MARCHF6: variants seen among roughly 807,000 people sequenced by gnomAD.
MARCHF6 encodes membrane associated ring-CH-type finger 6.
A neutral mutation model predicts 133.7 loss-of-function variants in MARCHF6; 31 were observed. The observed-to-expected ratio is 0.23, with a 90% CI of 0.17 to 0.31. MARCHF6 has a LOEUF of 0.31. MARCHF6 is among the 10% of genes least tolerant of loss of function. MARCHF6 has a pLI of 1.00. For synonymous variants in MARCHF6, 395 were observed against 402.5 expected (o/e 0.98, Z 0.22); for missense variants, 723 against 1,121.6 (o/e 0.64, Z 5.08).
At chr5:10,433,479 T>C in intron 25 of MARCHF6, 115 bp from the exon 26 acceptor site, 1 of 754,426 alleles carries the variant, frequency 1.3e-6, no homozygotes, top group Non-Finnish European at 2.3e-6. Flanking sequence ...GGGACTCCCT[T>C]TGACTTGCCC....
intron 5 of MARCHF6, among the ~76,000 whole-genome samples, chr5:10,388,758 C>A (rs1365646804): frequency 2.0e-5 from 3 of 152,174 alleles, no homozygotes; most frequent in African/African-American, 7.2e-5. Flanking sequence ...CTTGCAGGCC[C>A]TCCTCTGGGC....
At chr5:10,417,202 T>C in intron 21 of MARCHF6, 68 bp from the exon 22 acceptor site, 5 of 1,563,926 alleles carry the variant, frequency 3.2e-6, no homozygotes, top group South Asian at 1.2e-5. Flanking sequence ...GTCTCAAACC[T>C]CAAAATGGAA....
At position 10,353,740 on chromosome 5, in the gene MARCHF6, C is replaced by G. The variant is rs543448669; in HGVS notation, c.-159C>G. 2.1e-6 allele frequency: 1 copy of G among 481,352 alleles called. No homozygotes were observed. Among genetic ancestry groups the G allele is most frequent in the South Asian group, 2.1e-5 (1 of 48,400 alleles). 29.8% of individuals were successfully genotyped at this position (481,352 alleles called of 1,614,324 possible). On this transcript the variant is annotated 5_prime_UTR_variant, in exon 1 of 26. Transcript: ENST00000274140. Reference sequence around the variant, plus strand: ...CGTGTCGCTCGCTTTCTGTCAGCCTCTCTCCCTCTCCCTCTCCCCTCTCCT... The same window carrying G: ...CGTGTCGCTCGCTTTCTGTCAGCCTGTCTCCCTCTCCCTCTCCCCTCTCCT...
At chr5:10,376,978 C>T (rs1290186586) in intron 1 of MARCHF6, among the ~76,000 whole-genome samples, 1 of 152,168 alleles carries the variant, frequency 6.6e-6, no homozygotes, top group South Asian at 2.1e-4. Flanking sequence ...TAGCTGAGAA[C>T]GGTCTAAAAT....
At chr5:10,413,711 T>C (rs771820482) in intron 19 of MARCHF6, among the ~76,000 whole-genome samples, 1 of 152,162 alleles carries the variant, frequency 6.6e-6, no homozygotes, top group Non-Finnish European at 1.5e-5. Context: ...GCAAGGGAGC[T>C]TGTGCAGAGG....
At position 10,437,190 on chromosome 5, in the gene MARCHF6, A is replaced by G. The variant is rs1471733028; in HGVS notation, c.*3506A>G. On this transcript the variant is annotated 3_prime_UTR_variant, in exon 26 of 26. Coordinates refer to ENST00000274140, the MANE Select transcript of MARCHF6 (RefSeq NM_005885.4). ...GGCGCTTTTTAAAACTTTCCAAGCT[A>G]GCTACTTATTTTCATTTTCAGGGTT... 2.0e-5 allele frequency: 3 copies of G among 152,252 alleles called. No individual in the cohort carries two copies. The highest frequency in any genetic ancestry group is 4.8e-5 in the African/African-American group (2 of 41,466). The allele number at this position is 152,252 out of a possible 1,614,324, so 9.4% of individuals were successfully genotyped here.
chr5:10,428,696 A>G (rs990851620), intron 24 of MARCHF6, among the ~76,000 whole-genome samples: 1 of 152,158 alleles, frequency 6.6e-6, no homozygotes, highest in Non-Finnish European at 1.5e-5. Context: ...ACTCTTTAGA[A>G]CAATCTCTTT....
chr5:10,432,721 AC>A (rs1353162007), intron 25 of MARCHF6, among the ~76,000 whole-genome samples: 3 of 151,944 alleles, frequency 2.0e-5, no homozygotes, highest in Non-Finnish European at 4.4e-5. Flanking sequence ...TCCTTTCATC[AC>A]ATACATAAGT....
intron 4 of MARCHF6, among the ~76,000 whole-genome samples, chr5:10,384,110 A>C (rs1363237548): frequency 2.6e-5 from 4 of 152,234 alleles, no homozygotes; most frequent in African/African-American, 9.6e-5. Context: ...TACAGAAAAA[A>C]AGAATCATAT....
chr5:10,381,426 T>C (rs1737137514), intron 3 of MARCHF6, among the ~76,000 whole-genome samples: 1 of 152,228 alleles, frequency 6.6e-6, no homozygotes, highest in African/African-American at 2.4e-5. Context: ...CAGCTTCATC[T>C]TTTGCTCCTG....
chr5:10,382,060 TG>T, intron 4 of MARCHF6, 117 bp downstream of exon 4: 1 of 1,076,786 alleles, frequency 9.3e-7, no homozygotes, highest in Non-Finnish European at 1.4e-6. Context: ...GATGTCAGAG[TG>T]TCATGTATTA....
chr5:10,357,840 T>C, intron 1 of MARCHF6, among the ~76,000 whole-genome samples: 1 of 152,172 alleles, frequency 6.6e-6, no homozygotes, highest in Non-Finnish European at 1.5e-5. Context: ...GAGCTTACAT[T>C]ATAGTTATTA....
intron 1 of MARCHF6, among the ~76,000 whole-genome samples, chr5:10,363,199 C>T (rs945312604): frequency 6.6e-6 from 1 of 152,070 alleles, no homozygotes; most frequent in South Asian, 2.1e-4. Flanking sequence ...CAGATGGCAT[C>T]AAAATTCAGA....
chr5:10,360,468 C>T (rs1006009613), intron 1 of MARCHF6, among the ~76,000 whole-genome samples: 2 of 151,980 alleles, frequency 1.3e-5, no homozygotes, highest in Non-Finnish European at 2.9e-5. Flanking sequence ...TGCAGGAGGT[C>T]GGTGCCCCTA....
At chr5:10,416,578 A>T (rs1739525730) in intron 21 of MARCHF6, among the ~76,000 whole-genome samples, 1 of 152,208 alleles carries the variant, frequency 6.6e-6, no homozygotes, top group Non-Finnish European at 1.5e-5. Flanking sequence ...TGTCTTCCAT[A>T]CACATCATAT....
chr5:10,394,087 A>C lies in MARCHF6; in HGVS notation c.772A>C (p.Met258Leu), dbSNP rs1738036505. The stretch of plus-strand genomic sequence containing the variant: ...AATTGCAATTATATTTTCAGATGAC[A>C]TGAATTGGAATGCTTTAGAATGGGA... Reference protein sequence around the residue: ...ADANNGAQDDMNWNALEWDRA... With the variant: ...ADANNGAQDDLNWNALEWDRA... The change falls in exon 8 of 26, where the codon ATG (methionine) becomes CTG (leucine). Residue 258 changes from methionine (M) to leucine (L), a missense_variant. Physicochemically the swap from Met to Leu is conservative, Grantham distance 15. Coordinates refer to ENST00000274140, the MANE Select transcript of MARCHF6 (RefSeq NM_005885.4). 1.3e-6 allele frequency: 2 copies of C among 1,536,358 alleles called. No individual in the cohort carries two copies. The highest frequency in any genetic ancestry group is 1.8e-6 in the Non-Finnish European group (2 of 1,138,078).
At chr5:10,384,663 A>C in intron 4 of MARCHF6, among the ~76,000 whole-genome samples, 1 of 152,228 alleles carries the variant, frequency 6.6e-6, no homozygotes, top group East Asian at 1.9e-4. Context: ...GAAATGCACA[A>C]GGAGGGTGAC....
At chr5:10,366,753 G>A (rs539582139) in intron 1 of MARCHF6, among the ~76,000 whole-genome samples, 7 of 152,232 alleles carry the variant, frequency 4.6e-5, no homozygotes, top group Admixed American at 2.0e-4. Context: ...TTGATCACAC[G>A]TTCATATTAT....
chr5:10,400,883 T>C (rs753204057), intron 11 of MARCHF6, 41 bp downstream of exon 11: 1 of 1,396,438 alleles, frequency 7.2e-7, no homozygotes, highest in South Asian at 1.2e-5. Flanking sequence ...CATTCATTAC[T>C]CCCAAATGTG....
Sources: gnomAD v4.1 joint callset for allele counts (sites outside exome capture counted in the v4.1 genomes callset) on GRCh38, gnomAD v4.1.1 for gene constraint, MANE v1.5 for transcripts, NCBI Gene and HGNC (gene_info 2026-07-23, HGNC 2026-07-21) for gene names.